ZBTB8A: variants seen among roughly 807,000 people sequenced by gnomAD.
The protein encoded by ZBTB8A is zinc finger and BTB domain containing 8A.
A neutral mutation model predicts 37.8 loss-of-function variants in ZBTB8A; 19 were observed. The ratio of observed to expected loss-of-function variants is 0.50; its 90% CI spans 0.35 to 0.74. ZBTB8A has a LOEUF of 0.74. Among genes scored for constraint, ZBTB8A ranks in the 30% least tolerant of loss-of-function variants. The pLI is 0.01. For synonymous variants in ZBTB8A, 181 were observed against 185.2 expected (o/e 0.98, Z 0.19); for missense variants, 394 against 537.8 (o/e 0.73, Z 2.65).
chr1:32,539,645 G>C (rs1216692073), intron 1 of ZBTB8A, 73 bp downstream of exon 1: 1 of 55,954 alleles, frequency 1.8e-5, no homozygotes, highest in Non-Finnish European at 3.9e-5. Context: ...CGCGAGCCTG[G>C]CCGCGGGCTC....
chr1:32,541,757 C>T (rs1291496456), intron 1 of ZBTB8A, among the ~76,000 whole-genome samples: 2 of 152,254 alleles, frequency 1.3e-5, no homozygotes, highest in Non-Finnish European at 2.9e-5. Flanking sequence ...AGGCTAAACT[C>T]ACTCCCTCAG....
At chr1:32,592,778 G>T (rs929635591) in intron 2 of ZBTB8A, among the ~76,000 whole-genome samples, 153 bp from the exon 3 acceptor site, 2 of 151,734 alleles carry the variant, frequency 1.3e-5, no homozygotes, top group Admixed American at 1.3e-4. Flanking sequence ...AAAGTGCTGG[G>T]ATTACAGGAG....
In ZBTB8A at chr1:32,603,686, A is replaced by T. The variant is rs1263504659; in HGVS notation, c.*3267A>T. ...ATTATCTTCTGCATGCAAACTTTACATACATCAGCATGAATATCCAACATT... is the reference window on the plus strand; with the variant it reads ...ATTATCTTCTGCATGCAAACTTTACTTACATCAGCATGAATATCCAACATT... On this transcript the variant is annotated 3_prime_UTR_variant, in exon 5 of 5. Transcript: ENST00000373510. 1 of 152,666 alleles carries T rather than the reference A, an allele frequency of 6.6e-6. No homozygotes were observed. Among genetic ancestry groups the T allele is most frequent in the Non-Finnish European group, 1.5e-5 (1 of 68,042 alleles). The allele number at this position is 152,666 out of a possible 1,614,324, so 9.5% of individuals were successfully genotyped here.
intron 1 of ZBTB8A, among the ~76,000 whole-genome samples, chr1:32,539,986 G>T (rs1437210373): frequency 2.0e-5 from 3 of 151,516 alleles, no homozygotes; most frequent in Non-Finnish European, 4.4e-5. Context: ...GCAGGGCAGG[G>T]CCGGGGCCGG....
chr1:32,560,766 T>G (rs12041245), intron 2 of ZBTB8A, among the ~76,000 whole-genome samples: 18,081 of 151,556 alleles, frequency 0.12, 1,144 homozygotes, highest in African/African-American at 0.19. Context: ...AAGATTACAG[T>G]AGGTACATGC....
intron 1 of ZBTB8A, among the ~76,000 whole-genome samples, chr1:32,543,075 T>A (rs905041749): frequency 1.3e-5 from 2 of 149,176 alleles, no homozygotes; most frequent in South Asian, 2.1e-4. Flanking sequence ...ACAATTCCTA[T>A]TTTTTTTTTA....
At chr1:32,569,564 T>C (rs1246507408) in intron 2 of ZBTB8A, among the ~76,000 whole-genome samples, 3 of 151,756 alleles carry the variant, frequency 2.0e-5, no homozygotes, top group Non-Finnish European at 4.4e-5. Context: ...CAGCTAATTT[T>C]TGTATTTTTA....
intron 2 of ZBTB8A, among the ~76,000 whole-genome samples, chr1:32,576,828 G>C (rs187872543): frequency 3.3e-5 from 5 of 151,238 alleles, no homozygotes; most frequent in Admixed American, 3.3e-4. Flanking sequence ...GCCTCTCAAA[G>C]TGCTGGGATT....
At chr1:32,568,045 G>A (rs1644297126) in intron 2 of ZBTB8A, among the ~76,000 whole-genome samples, 1 of 151,766 alleles carries the variant, frequency 6.6e-6, no homozygotes, top group African/African-American at 2.4e-5. Context: ...GGGAGGCTGA[G>A]GCAGGAGACT....
At chr1:32,586,241 C>T (rs75136880) in intron 2 of ZBTB8A, among the ~76,000 whole-genome samples, 5 of 152,040 alleles carry the variant, frequency 3.3e-5, no homozygotes, top group African/African-American at 1.2e-4. Flanking sequence ...ATTGCTTGAA[C>T]CCGGGAGGCA....
chr1:32,545,818 A>G (rs533704945), intron 1 of ZBTB8A, among the ~76,000 whole-genome samples: 2 of 152,186 alleles, frequency 1.3e-5, no homozygotes, highest in East Asian at 1.9e-4. Flanking sequence ...TCAAGACCCA[A>G]CCTAAACGTT....
At chr1:32,561,221 G>C (rs1280877928) in intron 2 of ZBTB8A, among the ~76,000 whole-genome samples, 1 of 152,128 alleles carries the variant, frequency 6.6e-6, no homozygotes, top group Non-Finnish European at 1.5e-5. Context: ...ATACCAGTCT[G>C]TGCCTTGGCT....
At chr1:32,584,546 T>C (rs111464299) in intron 2 of ZBTB8A, among the ~76,000 whole-genome samples, 16,721 of 147,470 alleles carry the variant, frequency 0.11, 1,110 homozygotes, top group African/African-American at 0.18. Flanking sequence ...GAGTCTGTCA[T>C]TGTTGCCCAG....
At chr1:32,577,432 G>A (rs956296109) in intron 2 of ZBTB8A, among the ~76,000 whole-genome samples, 1 of 151,204 alleles carries the variant, frequency 6.6e-6, no homozygotes, top group Admixed American at 6.6e-5. Context: ...TTACAGGCGT[G>A]AGCCACTGAG....
At chr1:32,550,968 A>C (rs1339510059) in intron 1 of ZBTB8A, among the ~76,000 whole-genome samples, 1 of 151,946 alleles carries the variant, frequency 6.6e-6, no homozygotes, top group Admixed American at 6.6e-5. Context: ...AAAAAAAAAA[A>C]AAAAAAGCCA....
At position 32,592,952 on chromosome 1, in the gene ZBTB8A, G is replaced by A; in HGVS notation, c.21G>A (p.Gln7=). Residue 7 remains glutamine (Q), a synonymous_variant, in exon 3 of 5, where the codon CAG becomes CAA. Coordinates refer to ENST00000373510, the MANE Select transcript of ZBTB8A (RefSeq NM_001040441.3). MEISSH[Q]SHLLQQLNEQ... ...TCAGAATGGAGATCTCCTCTCATCAGTCTCACCTCCTGCAGCAACTGAACG... is the reference window on the plus strand; with the variant it reads ...TCAGAATGGAGATCTCCTCTCATCAATCTCACCTCCTGCAGCAACTGAACG... 1 of 1,612,090 alleles carries A rather than the reference G, an allele frequency of 6.2e-7. No homozygotes were observed. The highest frequency in any genetic ancestry group is 8.5e-7 in the Non-Finnish European group (1 of 1,178,736).
chr1:32,598,480 A>G (rs1056313272), intron 4 of ZBTB8A, among the ~76,000 whole-genome samples: 2 of 150,992 alleles, frequency 1.3e-5, no homozygotes, highest in Admixed American at 1.3e-4. Context: ...CAAGTGATCC[A>G]CTCACCTCAG....
rs544100944 is a variant in ZBTB8A, at chr1:32,599,484, C to T, written c.994-603C>T. Among the ~76,000 whole-genome samples the T allele has an allele frequency of 1.2e-3, 179 of 151,980 alleles. 1 individual carries two copies. The highest frequency in any genetic ancestry group is 3.7e-3 in the African/African-American group (155 of 41,442). ...CTATAATCCCAGCACTTTGGGCGGC[C>T]GAGGCAGACAGATGACGAGGTCAGG... On this transcript the variant is annotated intron_variant, in intron 4 of 4. Transcript: ENST00000373510.
At chr1:32,571,889 T>G (rs1009759440) in intron 2 of ZBTB8A, among the ~76,000 whole-genome samples, 1 of 151,858 alleles carries the variant, frequency 6.6e-6, no homozygotes, top group African/African-American at 2.4e-5. Flanking sequence ...AAATATAATA[T>G]TAGGTTGGGG....
Sources: allele counts gnomAD v4.1 joint callset (sites outside exome capture counted in the v4.1 genomes callset), GRCh38; gene constraint gnomAD v4.1.1; transcripts MANE v1.5; gene names NCBI Gene and HGNC (gene_info 2026-07-23, HGNC 2026-07-21).